Variants in DLG2 observed in about 807,000 individuals in gnomAD.
The protein encoded by DLG2 is disks large homolog 2.
Under a neutral mutation model 132.5 loss-of-function variants are expected in DLG2, and 45 were observed. The observed-to-expected ratio is 0.34, with a 90% CI of 0.27 to 0.44. The LOEUF is 0.44. Among genes scored for constraint, DLG2 ranks in the 20% least tolerant of loss-of-function variants. The pLI, the probability that DLG2 is intolerant of heterozygous loss-of-function variation, is 1.00. For synonymous variants in DLG2, 424 were observed against 419.6 expected (o/e 1.01, Z -0.13); for missense variants, 1,045 against 1,196.9 (o/e 0.87, Z 1.87).
chr11:84,923,225 G>A, intron 6 of DLG2: 1 of 1,570,220 alleles, frequency 6.4e-7, no homozygotes, highest in Non-Finnish European at 8.6e-7. Context: ...CGTTCCCTCT[G>A]TCAGTTTGAA....
intron 19 of DLG2, among the ~76,000 whole-genome samples, chr11:83,613,014 C>T (rs751027720): frequency 4.6e-5 from 7 of 152,170 alleles, no homozygotes; most frequent in African/African-American, 1.4e-4. Context: ...TCCATTTTCA[C>T]GTGGAAACAG....
rs994392429 is a variant in DLG2, at chr11:84,797,675, G to T, written c.358-262944C>A. Reference sequence around the variant, plus strand: ...GAGCTTCCTCAAAGAAGCTATTTTGGATTGTCTGAAAGGTTACATATTTTT... The same window carrying T: ...GAGCTTCCTCAAAGAAGCTATTTTGTATTGTCTGAAAGGTTACATATTTTT... On this transcript the variant is annotated intron_variant, in intron 6 of 27. Coordinates refer to ENST00000376104, the MANE Select transcript of DLG2 (RefSeq NM_001142699.3). Among the ~76,000 whole-genome samples the T allele has an allele frequency of 2.6e-5, 4 of 152,108 alleles. No individual in the cohort carries two copies. The South Asian group carries it at 6.2e-4, about 24-fold the overall frequency.
chr11:85,057,648 T>A (rs2063595813), intron 6 of DLG2, among the ~76,000 whole-genome samples: 1 of 151,596 alleles, frequency 6.6e-6, no homozygotes, highest in Non-Finnish European at 1.5e-5. Context: ...ATTTCCCAAT[T>A]TCTTTTAAGG....
intron 11 of DLG2, among the ~76,000 whole-genome samples, chr11:84,044,480 G>C (rs1381060279): frequency 6.6e-6 from 1 of 151,604 alleles, no homozygotes; most frequent in African/African-American, 2.4e-5. Context: ...GTGGAGGTCT[G>C]GCTATTTTGT....
At chr11:85,495,218 A>C (rs1464919927) in intron 3 of DLG2, among the ~76,000 whole-genome samples, 1 of 152,232 alleles carries the variant, frequency 6.6e-6, no homozygotes, top group Non-Finnish European at 1.5e-5. Context: ...ATATAAAATC[A>C]CTGCTCTTGA....
intron 4 of DLG2, among the ~76,000 whole-genome samples, chr11:85,216,662 G>A (rs569679742): frequency 5.3e-5 from 8 of 151,880 alleles, no homozygotes; most frequent in Non-Finnish European, 7.4e-5. Context: ...TCTTAGGGTC[G>A]GTCACCTAGT....
intron 6 of DLG2, among the ~76,000 whole-genome samples, chr11:85,027,979 C>A (rs1235952085): frequency 2.0e-5 from 3 of 152,174 alleles, no homozygotes; most frequent in Non-Finnish European, 4.4e-5. Context: ...TGTCCACATC[C>A]AGGTAGAATG....
At chr11:84,677,652 G>A (rs1292227752) in intron 6 of DLG2, among the ~76,000 whole-genome samples, 1 of 152,016 alleles carries the variant, frequency 6.6e-6, no homozygotes, top group Non-Finnish European at 1.5e-5. Context: ...GGGAGGTTGA[G>A]CTGGGAAGAT....
rs182728461 is a variant in DLG2 at position 83,515,679 on chromosome 11, C to G, written c.2193+17029G>C. 7.0e-4 allele frequency among the ~76,000 whole-genome samples: 107 copies of G among 152,304 alleles called. 1 individual carries two copies. The East Asian group carries it at 0.02, about 29-fold the overall frequency. ...GGCATTTAGTGGTATAAATTTCCCT[C>G]TACACACTGCTTTGAATGTGTCCCA... On this transcript the variant is annotated intron_variant, in intron 21 of 27. Coordinates refer to ENST00000376104, the MANE Select transcript of DLG2 (RefSeq NM_001142699.3).
At chr11:83,509,894 G>A (rs1337952448) in intron 21 of DLG2, among the ~76,000 whole-genome samples, 1 of 152,130 alleles carries the variant, frequency 6.6e-6, no homozygotes, top group Non-Finnish European at 1.5e-5. Context: ...TCTTGAGCGC[G>A]TAGTATGGAG....
chr11:84,371,887 A>G (rs1247499857), intron 7 of DLG2, among the ~76,000 whole-genome samples: 1 of 152,206 alleles, frequency 6.6e-6, no homozygotes, highest in East Asian at 1.9e-4. Flanking sequence ...ACTTTATTAA[A>G]AAGATAACCC....
chr11:85,555,585 T>C (rs2076898335), intron 3 of DLG2, among the ~76,000 whole-genome samples: 1 of 151,912 alleles, frequency 6.6e-6, no homozygotes, highest in Non-Finnish European at 1.5e-5. Context: ...CTCTCTGGAA[T>C]TTTATGACTA....
chr11:84,163,413 T>C, intron 9 of DLG2, 48 bp downstream of exon 9: 2 of 1,503,440 alleles, frequency 1.3e-6, no homozygotes, highest in Non-Finnish European at 1.8e-6. Context: ...TAGAATAGAA[T>C]GTGAAATGCA....
chr11:83,725,159 A>G (rs1337676760), intron 18 of DLG2: 7 of 454,212 alleles, frequency 1.5e-5, no homozygotes, highest in East Asian at 1.3e-4. Context: ...GATGTTGGCT[A>G]TCTCACTCAC....
At chr11:83,627,041 A>C (rs2153447511) in intron 19 of DLG2, among the ~76,000 whole-genome samples, 1 of 152,208 alleles carries the variant, frequency 6.6e-6, no homozygotes, top group African/African-American at 2.4e-5. Context: ...AGTCACAACC[A>C]ATTCTGTGGT....
chr11:84,373,561 C>G (rs992266435), intron 7 of DLG2, among the ~76,000 whole-genome samples: 1 of 151,178 alleles, frequency 6.6e-6, no homozygotes, highest in East Asian at 1.9e-4. Flanking sequence ...CAGAGCAAGA[C>G]TCTGTCTAAA....
At chr11:84,790,624 C>G (rs1390484609) in intron 6 of DLG2, among the ~76,000 whole-genome samples, 1 of 152,108 alleles carries the variant, frequency 6.6e-6, no homozygotes, top group East Asian at 1.9e-4. Context: ...CTTTGGTTGC[C>G]TGTGCTTGTA....
At chr11:83,740,167 C>A (rs1463674330) in intron 18 of DLG2, among the ~76,000 whole-genome samples, 1 of 152,132 alleles carries the variant, frequency 6.6e-6, no homozygotes, top group Admixed American at 6.5e-5. Flanking sequence ...CAATTTTGCT[C>A]CTATATATAC....
At chr11:85,557,059 G>A (rs2076978784) in intron 3 of DLG2, among the ~76,000 whole-genome samples, 1 of 151,608 alleles carries the variant, frequency 6.6e-6, no homozygotes, top group Non-Finnish European at 1.5e-5. Flanking sequence ...ATTCTACCAA[G>A]AAGCTCCTGG....
Sources: gnomAD v4.1 joint callset for allele counts (sites outside exome capture counted in the v4.1 genomes callset) on GRCh38, gnomAD v4.1.1 for gene constraint, MANE v1.5 for transcripts, NCBI Gene and HGNC (gene_info 2026-07-23, HGNC 2026-07-21) for gene names.